The following ZNF197 variants were observed in gnomAD, a reference collection of about 807,000 sequenced individuals.
The protein encoded by ZNF197 is VHL-associated KRAB-A domain-containing protein.
A neutral mutation model predicts 27.4 loss-of-function variants in ZNF197; 14 were observed. The observed-to-expected ratio is 0.51, with a 90% CI of 0.34 to 0.80. ZNF197 has a LOEUF of 0.80. Among genes scored for constraint, ZNF197 ranks in the 30% least tolerant of loss-of-function variants. The pLI is 0.02. For synonymous variants in ZNF197, 415 were observed against 420.0 expected (o/e 0.99, Z 0.15); for missense variants, 1,090 against 1,222.6 (o/e 0.89, Z 1.62).
In ZNF197 at chr3:44,646,374, C is replaced by G; in HGVS notation, c.*2154C>G. On this transcript the variant is annotated 3_prime_UTR_variant, in exon 6 of 6. Coordinates refer to ENST00000344387, the MANE Select transcript of ZNF197 (RefSeq NM_006991.5). ...TGTGATTTACCTCTTCACCGAGTAA[C>G]AAAATGTCACATTGCTTAGATTGAG... 1 of 1,561,904 alleles carries G rather than the reference C, an allele frequency of 6.4e-7. No homozygotes were observed. Among genetic ancestry groups the G allele is most frequent in the Non-Finnish European group, 8.7e-7 (1 of 1,154,554 alleles).
At chr3:44,639,652 ATTTTT>A (rs1295247586) in intron 5 of ZNF197, among the ~76,000 whole-genome samples, 1 of 151,262 alleles carries the variant, frequency 6.6e-6, no homozygotes, top group Non-Finnish European at 1.5e-5. Context: ...ACTCCTTTTT[ATTTTT>A]TTAAGATCAA....
chr3:44,642,607 C>G lies in ZNF197; in HGVS notation c.1477C>G (p.Gln493Glu). The part of the protein sequence containing the change: ...KCNECGKVFS[Q>E]NAYLIDHQRL... ...TAATGAATGTGGGAAAGTCTTCTCT[C>G]AGAATGCTTACCTCATTGACCATCA... The change falls in exon 6 of 6, where the codon CAG (glutamine) becomes GAG (glutamate). Residue 493 changes from glutamine to glutamate, a missense_variant. Transcript: ENST00000344387. The G allele has an allele frequency of 1.9e-6, 3 of 1,614,090 alleles. No homozygotes were observed. The highest frequency in any genetic ancestry group is 2.5e-6 in the Non-Finnish European group (3 of 1,180,018).
chr3:44,644,397 G>A lies in ZNF197; in HGVS notation c.*177G>A. 1.5e-6 allele frequency: 2 copies of A among 1,352,858 alleles called. No individual in the cohort carries two copies. The highest frequency in any genetic ancestry group is 1.9e-6 in the Non-Finnish European group (2 of 1,055,774). 83.8% of individuals were successfully genotyped at this position (1,352,858 alleles called of 1,614,324 possible). A position where few individuals can be genotyped will look rare whatever the true frequency, so the allele number is the denominator to read the frequency against. Reference sequence around the variant, plus strand: ...CTCATGCCTGTAATCCCAGCACTTTGAGAGGCCGAAGCGAGTGGATCACCT... The same window carrying A: ...CTCATGCCTGTAATCCCAGCACTTTAAGAGGCCGAAGCGAGTGGATCACCT... On this transcript the variant is annotated 3_prime_UTR_variant, in exon 6 of 6. Transcript: ENST00000344387.
Position 44,645,762 on chromosome 3 carries a change from G to A in ZNF197, c.*1542G>A. On this transcript the variant is annotated 3_prime_UTR_variant, in exon 6 of 6. Coordinates refer to ENST00000344387, the MANE Select transcript of ZNF197 (RefSeq NM_006991.5). ...TCTGTCCCAGCACTAAATTTACTGG[G>A]ACATAAATTTTTCACATGGAGCCAA... is the stretch of plus-strand genomic sequence containing the variant. 1 of 985,358 alleles carries A rather than the reference G, an allele frequency of 1.0e-6. No homozygotes were observed. The highest frequency in any genetic ancestry group is 1.2e-6 in the Non-Finnish European group (1 of 829,920). The allele number at this position is 985,358 out of a possible 1,614,324, so 61.0% of individuals were successfully genotyped here.
At chr3:44,630,458 G>A (rs900473220) in intron 2 of ZNF197, among the ~76,000 whole-genome samples, 5 of 152,120 alleles carry the variant, frequency 3.3e-5, no homozygotes, top group African/African-American at 7.2e-5. Flanking sequence ...TGTATAAGAC[G>A]TCTGAATCAT....
At position 44,643,032 on chromosome 3, in the gene ZNF197, T is replaced by C. The variant is rs1048532757; in HGVS notation, c.1902T>C (p.Ser634=). 4 of 1,613,992 alleles carry C rather than the reference T, an allele frequency of 2.5e-6. No individual in the cohort carries two copies. The highest frequency in any genetic ancestry group is 4.5e-5 in the East Asian group (2 of 44,854). The change falls in exon 6 of 6, where the codon AGT becomes AGC. Residue 634 remains serine, a synonymous_variant. Coordinates refer to ENST00000344387, the MANE Select transcript of ZNF197 (RefSeq NM_006991.5). Reference sequence around the variant, plus strand: ...AATGTGGGAAAGCCTTTACTCAAAGTGCTTACCTTTTTGACCACCAGAGAC... The same window carrying C: ...AATGTGGGAAAGCCTTTACTCAAAGCGCTTACCTTTTTGACCACCAGAGAC... The part of the protein sequence containing the change: ...CTECGKAFTQ[S]AYLFDHQRLH...
rs777448008 is a variant in ZNF197, at chr3:44,645,814, A to G, written c.*1594A>G. 18 of 985,330 alleles carry G rather than the reference A, an allele frequency of 1.8e-5. No individual in the cohort carries two copies. The highest frequency in any genetic ancestry group is 2.2e-5 in the Non-Finnish European group (18 of 829,952). The allele number at this position is 985,330 out of a possible 1,614,324, so 61.0% of individuals were successfully genotyped here. ...CTCTTCACTGATTAAGCCAGTGCAG[A>G]ATCCACTTGTGGGCAGTCAGTGCCC... On this transcript the variant is annotated 3_prime_UTR_variant, in exon 6 of 6. Transcript: ENST00000344387.
chr3:44,632,500 G>C lies in ZNF197; in HGVS notation c.670G>C (p.Val224Leu). The change falls in exon 5 of 6, where the codon GTA becomes CTA. Residue 224 changes from valine (V) to leucine (L), a missense_variant. Coordinates refer to ENST00000344387, the MANE Select transcript of ZNF197 (RefSeq NM_006991.5). ...QELVMFEEVS[V>L]CFTSEEWACL... ...GTTGGTGATGTTCGAGGAGGTGTCAGTATGCTTCACTTCAGAGGAATGGGC... is the reference window on the plus strand; with the variant it reads ...GTTGGTGATGTTCGAGGAGGTGTCACTATGCTTCACTTCAGAGGAATGGGC... The C allele has an allele frequency of 6.2e-7, 1 of 1,606,734 alleles. No homozygotes were observed. Among genetic ancestry groups the C allele is most frequent in the Non-Finnish European group, 8.5e-7 (1 of 1,177,198 alleles).
chr3:44,632,217 C>T, intron 4 of ZNF197, 21 bp downstream of exon 4: 1 of 1,612,132 alleles, frequency 6.2e-7, no homozygotes. Context: ...CATCCTCTTT[C>T]CTTCCCATCT....
At chr3:44,625,203 C>T (rs1425014412) in intron 1 of ZNF197, 60 bp downstream of exon 1, 2 of 152,252 alleles carry the variant, frequency 1.3e-5, no homozygotes, top group Non-Finnish European at 2.9e-5. Flanking sequence ...GGGACGCGGG[C>T]CTGAGCTTGC....
rs1016698322 is a variant in ZNF197 at position 44,645,665 on chromosome 3, C to T, written c.*1445C>T. On this transcript the variant is annotated 3_prime_UTR_variant, in exon 6 of 6. Coordinates refer to ENST00000344387, the MANE Select transcript of ZNF197 (RefSeq NM_006991.5). Reference sequence around the variant, plus strand: ...GCAGTTGAGCTGATGATCCCTGCCACAGTCATTGTGAATTCTAATCAATAT... The same window carrying T: ...GCAGTTGAGCTGATGATCCCTGCCATAGTCATTGTGAATTCTAATCAATAT... 147 of 985,400 alleles carry T rather than the reference C, an allele frequency of 1.5e-4. No homozygotes were observed. The Middle Eastern group carries it at 1.6e-3, about 11-fold the overall frequency. 61.0% of individuals were successfully genotyped at this position (985,400 alleles called of 1,614,324 possible). A position where few individuals can be genotyped will look rare whatever the true frequency, so the allele number is the denominator to read the frequency against.
At position 44,646,704 on chromosome 3, in the gene ZNF197, TC is replaced by T. The variant is rs1296258127; in HGVS notation, c.*2485del. ...CTGCTTTTGTGTATGTATGAAAATT[TC>T]GATATGAAAGGTATAAAACATGGAT... On this transcript the variant is annotated 3_prime_UTR_variant, in exon 6 of 6. Coordinates refer to ENST00000344387, the MANE Select transcript of ZNF197 (RefSeq NM_006991.5). 3.6e-6 allele frequency: 2 copies of T among 558,408 alleles called. No homozygotes were observed. The highest frequency in any genetic ancestry group is 6.4e-6 in the Non-Finnish European group (2 of 312,814). 34.6% of individuals were successfully genotyped at this position (558,408 alleles called of 1,614,324 possible). A position where few individuals can be genotyped will look rare whatever the true frequency, so the allele number is the denominator to read the frequency against.
intron 2 of ZNF197, among the ~76,000 whole-genome samples, chr3:44,630,095 T>TACATCTA (rs1387999215): frequency 6.6e-6 from 1 of 151,964 alleles, no homozygotes; most frequent in East Asian, 1.9e-4. Context: ...CGAGTGCCTA[T>TACATCTA]AGTCCCAGCT....
In ZNF197 at chr3:44,643,180, G is replaced by A. The variant is rs761982441; in HGVS notation, c.2050G>A (p.Gly684Ser). ...GENLYECKDC[G>S]KVFGSNRNLI... ...GAATCTCTATGAATGTAAAGATTGT[G>A]GTAAGGTCTTCGGTTCAAACAGAAA... The change falls in exon 6 of 6, where the codon GGT becomes AGT. Residue 684 changes from glycine to serine, a missense_variant. Gly to Ser is a moderately conservative substitution (Grantham distance 56). Transcript: ENST00000344387. The A allele has an allele frequency of 5.0e-6, 8 of 1,613,012 alleles. No homozygotes were observed. The Admixed American group carries it at 1.2e-4, about 24-fold the overall frequency.
intron 5 of ZNF197, among the ~76,000 whole-genome samples, chr3:44,632,808 C>T (rs1008101076): frequency 9.9e-5 from 15 of 151,786 alleles, no homozygotes; most frequent in Non-Finnish European, 1.8e-4. Context: ...GGATTTTTTA[C>T]ATTGTTCCAA....
chr3:44,642,772 G>A lies in ZNF197; in HGVS notation c.1642G>A (p.Ala548Thr), dbSNP rs756478973. 3 of 1,613,608 alleles carry A rather than the reference G, an allele frequency of 1.9e-6. No homozygotes were observed. The highest frequency in any genetic ancestry group is 3.3e-5 in the Admixed American group (2 of 59,968). The stretch of plus-strand genomic sequence containing the variant: ...ATGTGATGAATGTGGAAAGACCTTT[G>A]CTCAGACCACTTATCTTATTGACCA... The part of the protein sequence containing the change: ...YKCDECGKTF[A>T]QTTYLIDHQR... Residue 548 changes from alanine (A) to threonine (T), a missense_variant, in exon 6 of 6, where the codon GCT (alanine) becomes ACT (threonine). By Grantham distance (58) the Ala-to-Thr change is moderately conservative (BLOSUM62 0). Coordinates refer to ENST00000344387, the MANE Select transcript of ZNF197 (RefSeq NM_006991.5).
chr3:44,625,898 T>G (rs531929990), intron 1 of ZNF197, among the ~76,000 whole-genome samples: 1 of 152,330 alleles, frequency 6.6e-6, no homozygotes, highest in South Asian at 2.1e-4. Context: ...TAGAACAGTT[T>G]GGGTTGTTTG....
In ZNF197 at chr3:44,642,862, A is replaced by G; in HGVS notation, c.1732A>G (p.Ser578Gly). The change falls in exon 6 of 6, where the codon AGC (serine) becomes GGC (glycine). Residue 578 changes from serine to glycine, a missense_variant. Ser to Gly is a moderately conservative substitution (Grantham distance 56). Transcript: ENST00000344387. ...AGAATGTGGAAAAGTTTTCATTCGA[A>G]GCAAAAGCCTCCTCTTACATCAGAG... ...CKECGKVFIR[S>G]KSLLLHQRVH... 1.1e-5 allele frequency: 17 copies of G among 1,614,162 alleles called. No homozygotes were observed. The highest frequency in any genetic ancestry group is 1.4e-5 in the Non-Finnish European group (17 of 1,180,030).
rs530919223 is a variant in ZNF197, at chr3:44,645,287, A to G, written c.*1067A>G. The G allele has an allele frequency of 1.7e-5, 17 of 985,436 alleles. No individual in the cohort carries two copies. The East Asian group carries it at 1.8e-3, about 105-fold the overall frequency. The allele number at this position is 985,436 out of a possible 1,614,324, so 61.0% of individuals were successfully genotyped here. On this transcript the variant is annotated 3_prime_UTR_variant, in exon 6 of 6. Transcript: ENST00000344387. ...AGAGGTTATGGTAAAAGTTTAGAAC[A>G]TGGGATCATGTAAGTTTGTGTATTA...
Sources: allele counts gnomAD v4.1 joint callset (sites outside exome capture counted in the v4.1 genomes callset), GRCh38; gene constraint gnomAD v4.1.1; transcripts MANE v1.5; gene names NCBI Gene and HGNC (gene_info 2026-07-23, HGNC 2026-07-21).